RAD52: variants seen among roughly 807,000 people sequenced by gnomAD.
The protein encoded by RAD52 is RAD52 DNA repair protein.
A neutral mutation model predicts 55.5 loss-of-function variants in RAD52; 47 were observed. That is an observed-to-expected ratio of 0.85 (90% CI 0.67 to 1.08). RAD52 has a LOEUF of 1.08. Among genes scored for constraint, RAD52 ranks in the 50% least tolerant of loss-of-function variants. The pLI, the probability that RAD52 is intolerant of heterozygous loss-of-function variation, is 0.00. For missense variants in RAD52, 468 were observed against 522.8 expected (o/e 0.90, Z 1.02); for synonymous variants, 184 against 198.9 (o/e 0.92, Z 0.63).
At chr12:922,205 A>AC (rs1555170827) in intron 7 of RAD52, among the ~76,000 whole-genome samples, 29 of 150,476 alleles carry the variant, frequency 1.9e-4, no homozygotes, top group South Asian at 4.2e-4. Context: ...AAAAAAAAAA[A>AC]AAAAAAAACC....
intron 1 of RAD52, among the ~76,000 whole-genome samples, chr12:945,896 AC>A (rs1181767716): frequency 6.6e-6 from 1 of 151,770 alleles, no homozygotes; most frequent in Admixed American, 6.6e-5. Context: ...GGTGGCGGGT[AC>A]CTGTAATCCC....
chr12:925,078 G>C (rs1477881802), intron 7 of RAD52, among the ~76,000 whole-genome samples: 1 of 151,598 alleles, frequency 6.6e-6, no homozygotes, highest in Non-Finnish European at 1.5e-5. Context: ...AGCCTCCCGA[G>C]TAGCTGGGAC....
chr12:955,462 GTTCTTC>G (rs138210801), intron 1 of RAD52, among the ~76,000 whole-genome samples: 1 of 149,476 alleles, frequency 6.7e-6, no homozygotes, highest in Non-Finnish European at 1.5e-5. Context: ...GCAACGTACT[GTTCTTC>G]TTCTTCTTTC....
rs146816650 is a variant in RAD52, at chr12:982,952, C to T, written c.-19+6857G>A. Reference sequence around the variant, plus strand: ...GCAACCTCCACCTCCCGGGTTCAAGCGATTCTCTTGCCTCAGCCTCCCCAG... The same window carrying T: ...GCAACCTCCACCTCCCGGGTTCAAGTGATTCTCTTGCCTCAGCCTCCCCAG... On this transcript the variant is annotated intron_variant, in intron 1 of 11. Transcript: ENST00000430095. Among the ~76,000 whole-genome samples, 35 of 152,118 alleles carry T rather than the reference C, an allele frequency of 2.3e-4. 3 individuals are homozygous for T. The East Asian group carries it at 6.8e-3, about 29-fold the overall frequency.
At chr12:971,300 T>A (rs985658413) in intron 1 of RAD52, among the ~76,000 whole-genome samples, 5 of 151,970 alleles carry the variant, frequency 3.3e-5, no homozygotes, top group East Asian at 1.9e-4. Context: ...TTTTTTTTTT[T>A]AAAGACATAG....
rs1956169202 is a variant in RAD52, at chr12:912,785, C to T, written c.*606G>A. On this transcript the variant is annotated 3_prime_UTR_variant, in exon 12 of 12. Coordinates refer to ENST00000358495, the MANE Select transcript of RAD52 (RefSeq NM_134424.4). ...TTTTCGTGGTCTTAGATGATTATTT[C>T]CTTCCTTAGGAAAAAATGTCAGTCT... The T allele has an allele frequency of 1.2e-5, 2 of 168,472 alleles. No homozygotes were observed. The highest frequency in any genetic ancestry group is 2.5e-5 in the Non-Finnish European group (2 of 80,304). The allele number at this position is 168,472 out of a possible 1,614,324, so 10.4% of individuals were successfully genotyped here. A position where few individuals can be genotyped will look rare whatever the true frequency, so the allele number is the denominator to read the frequency against.
intron 1 of RAD52, among the ~76,000 whole-genome samples, chr12:971,755 AT>A (rs902951282): frequency 3.2e-4 from 48 of 148,162 alleles, no homozygotes; most frequent in South Asian, 6.4e-4. Context: ...GCTATTTGGA[AT>A]TTTTTTTTTT....
At chr12:986,087 A>G (rs899849650) in intron 1 of RAD52, among the ~76,000 whole-genome samples, 6 of 151,896 alleles carry the variant, frequency 4.0e-5, no homozygotes, top group African/African-American at 1.5e-4. Context: ...GGCATGTGCC[A>G]CCATGTCTGG....
At chr12:937,943 G>A (rs977003233) in intron 1 of RAD52, among the ~76,000 whole-genome samples, 5 of 152,116 alleles carry the variant, frequency 3.3e-5, no homozygotes, top group Non-Finnish European at 5.9e-5. Flanking sequence ...TGACCCCTCT[G>A]TGGAACATCA....
At chr12:928,753 G>GT (rs1957174611) in intron 5 of RAD52, among the ~76,000 whole-genome samples, 1 of 151,950 alleles carries the variant, frequency 6.6e-6, no homozygotes, top group South Asian at 2.1e-4. Context: ...TCAATTGTGT[G>GT]TTAACAGTAG....
intron 9 of RAD52, among the ~76,000 whole-genome samples, chr12:915,705 G>T (rs1235144698): frequency 7.4e-6 from 1 of 135,370 alleles, no homozygotes; most frequent in Non-Finnish European, 1.6e-5. Context: ...GAAACACAAG[G>T]CTTGTTTTTT....
At chr12:932,848 T>G in intron 2 of RAD52, 127 bp downstream of exon 2, 1 of 670,460 alleles carries the variant, frequency 1.5e-6, no homozygotes, top group Non-Finnish European at 2.7e-6. Flanking sequence ...TAGGTACTGC[T>G]CACACACGTA....
rs150794273 is a variant in RAD52, at chr12:913,056, T to C, written c.*335A>G. ...TGCTTAGGACCAAGTCTGGCCTATA[T>C]TGCTTGAGGGCAAGGAGCCATTGGT... On this transcript the variant is annotated 3_prime_UTR_variant, in exon 12 of 12. Coordinates refer to ENST00000358495, the MANE Select transcript of RAD52 (RefSeq NM_134424.4). The C allele has an allele frequency of 2.2e-4, 54 of 244,322 alleles. No individual in the cohort carries two copies. The highest frequency in any genetic ancestry group is 3.1e-4 in the Non-Finnish European group (41 of 131,306). The allele number at this position is 244,322 out of a possible 1,614,324, so 15.1% of individuals were successfully genotyped here. A position where few individuals can be genotyped will look rare whatever the true frequency, so the allele number is the denominator to read the frequency against.
At chr12:980,316 G>A (rs762422083) in intron 1 of RAD52, among the ~76,000 whole-genome samples, 9 of 146,396 alleles carry the variant, frequency 6.1e-5, no homozygotes, top group Non-Finnish European at 1.0e-4. Context: ...TTTTTGAGAC[G>A]AAGTCTCACT....
In RAD52 at chr12:914,912, C is replaced by G. The variant is rs145810226; in HGVS notation, c.866-380G>C. ...GTGGCTCACACCTGTAACCCCAGCA[C>G]TTTGGGAGGCCAAGGTGGGAGGATC... On this transcript the variant is annotated intron_variant, in intron 9 of 11. Transcript: ENST00000358495. Among the ~76,000 whole-genome samples, 92 of 152,326 alleles carry G rather than the reference C, an allele frequency of 6.0e-4. No homozygotes were observed. The East Asian group carries it at 0.015, about 26-fold the overall frequency.
intron 1 of RAD52, among the ~76,000 whole-genome samples, chr12:966,554 CT>C (rs1958772998): frequency 6.6e-6 from 1 of 151,216 alleles, no homozygotes. Flanking sequence ...TCATGGTTTT[CT>C]GTTTGTTTTC....
intron 1 of RAD52, among the ~76,000 whole-genome samples, chr12:987,055 C>G (rs1360451295): frequency 2.0e-5 from 3 of 152,122 alleles, no homozygotes; most frequent in African/African-American, 7.2e-5. Flanking sequence ...ACTGCAACCT[C>G]TGCCTCCCGG....
At chr12:984,547 C>A (rs1265759962) in intron 1 of RAD52, among the ~76,000 whole-genome samples, 1 of 151,738 alleles carries the variant, frequency 6.6e-6, no homozygotes, top group Non-Finnish European at 1.5e-5. Context: ...TGAATGTAAT[C>A]ATATAAGATC....
At chr12:980,126 G>T (rs1396082063) in intron 1 of RAD52, among the ~76,000 whole-genome samples, 1 of 152,006 alleles carries the variant, frequency 6.6e-6, no homozygotes, top group Non-Finnish European at 1.5e-5. Context: ...CGAGGCGGAG[G>T]TTGCAGTGAG....
Sources: allele counts gnomAD v4.1 joint callset (sites outside exome capture counted in the v4.1 genomes callset), GRCh38; gene constraint gnomAD v4.1.1; transcripts MANE v1.5; gene names NCBI Gene and HGNC (gene_info 2026-07-23, HGNC 2026-07-21).